NPAS3: variants seen among roughly 807,000 people sequenced by gnomAD.
NPAS3 encodes neuronal PAS domain-containing protein 3.
NPAS3 carries 14 observed loss-of-function variants against 73.1 expected under a neutral mutation model. That is an observed-to-expected ratio of 0.19 (90% CI 0.13 to 0.30). NPAS3 has a LOEUF of 0.30. NPAS3 is among the 10% of genes least tolerant of loss of function. The probability of loss-of-function intolerance (pLI) is 1.00; values close to 1 mark genes in which losing one functional copy is unlikely to be tolerated. For synonymous variants in NPAS3, 620 were observed against 541.5 expected (o/e 1.14, Z -2.01); for missense variants, 1,096 against 1,250.0 (o/e 0.88, Z 1.86).
intron 2 of NPAS3, among the ~76,000 whole-genome samples, chr14:33,189,120 A>G (rs1419096222): frequency 6.6e-6 from 1 of 152,188 alleles, no homozygotes; most frequent in Non-Finnish European, 1.5e-5. Flanking sequence ...TGAAGAATGA[A>G]TCTTTTTATG....
At chr14:32,992,644 G>A (rs2038382379) in intron 1 of NPAS3, among the ~76,000 whole-genome samples, 1 of 151,858 alleles carries the variant, frequency 6.6e-6, no homozygotes, top group Admixed American at 6.6e-5. Context: ...TATTTTCTGA[G>A]GTAAAAAGAC....
chr14:33,093,757 A>G (rs530606821), intron 2 of NPAS3, among the ~76,000 whole-genome samples: 7 of 152,290 alleles, frequency 4.6e-5, no homozygotes, highest in South Asian at 4.1e-4. Flanking sequence ...AAGAAAATGT[A>G]GCACATATAC....
At chr14:33,250,447 C>T (rs2048540849) in intron 3 of NPAS3, among the ~76,000 whole-genome samples, 1 of 152,034 alleles carries the variant, frequency 6.6e-6, no homozygotes, top group Non-Finnish European at 1.5e-5. Context: ...CAATTTTAGC[C>T]TTAATGTGCT....
chr14:33,321,522 C>T (rs1363633445), intron 3 of NPAS3, among the ~76,000 whole-genome samples: 1 of 151,750 alleles, frequency 6.6e-6, no homozygotes, highest in Non-Finnish European at 1.5e-5. Context: ...ACATGATGTC[C>T]GTAGGCATAA....
At chr14:33,708,729 G>A (rs865999824) in intron 6 of NPAS3, among the ~76,000 whole-genome samples, 1 of 152,300 alleles carries the variant, frequency 6.6e-6, no homozygotes, top group South Asian at 2.1e-4. Context: ...AGCAGGACGG[G>A]AAAATTAAAA....
intron 5 of NPAS3, among the ~76,000 whole-genome samples, chr14:33,639,717 T>G (rs7140328): frequency 0.064 from 9,811 of 152,244 alleles, 1,012 homozygotes; most frequent in African/African-American, 0.22. Context: ...CATGTTCATA[T>G]TTATTCTTTA....
intron 3 of NPAS3, among the ~76,000 whole-genome samples, chr14:33,341,360 A>C (rs1398139594): frequency 6.6e-6 from 1 of 152,244 alleles, no homozygotes; most frequent in Non-Finnish European, 1.5e-5. Flanking sequence ...AAATTTACCT[A>C]ACGTTATTTC....
rs536496948 is a variant in NPAS3, at chr14:33,153,488, T to TG, written c.141-61689dup. Among the ~76,000 whole-genome samples the TG allele has an allele frequency of 2.0e-3, 298 of 152,216 alleles. 1 individual carries two copies. Among genetic ancestry groups the TG allele is most frequent in the African/African-American group, 6.8e-3 (284 of 41,540 alleles). ...AGCTTCAGGTGTTCTGGGAGCCCTG[T>TG]GGGGGAAAGAGTGGGTTCTCAGAGT... On this transcript the variant is annotated intron_variant, in intron 2 of 11. Transcript: ENST00000356141.
At chr14:32,943,985 T>C (rs1200446500) in intron 1 of NPAS3, among the ~76,000 whole-genome samples, 7 of 152,202 alleles carry the variant, frequency 4.6e-5, no homozygotes, top group African/African-American at 1.4e-4. Flanking sequence ...CCACTGTGCC[T>C]GGCCTTTATT....
intron 7 of NPAS3, among the ~76,000 whole-genome samples, chr14:33,768,332 G>C (rs985695588): frequency 6.7e-5 from 10 of 148,886 alleles, no homozygotes; most frequent in African/African-American, 2.6e-4. Flanking sequence ...GAATCTTTTA[G>C]TTCAGAAAGC....
intron 1 of NPAS3, among the ~76,000 whole-genome samples, chr14:33,038,431 CA>C (rs1338865875): frequency 6.6e-6 from 1 of 151,570 alleles, no homozygotes; most frequent in African/African-American, 2.4e-5. Context: ...AACAAACAAA[CA>C]AAAAAACAAA....
intron 1 of NPAS3, among the ~76,000 whole-genome samples, chr14:33,050,614 A>G (rs979132835): frequency 6.6e-6 from 1 of 152,182 alleles, no homozygotes; most frequent in Non-Finnish European, 1.5e-5. Flanking sequence ...TATTAATTTA[A>G]TTGCCATTAG....
chr14:33,386,832 C>G (rs1235749364), intron 4 of NPAS3, among the ~76,000 whole-genome samples: 1 of 152,164 alleles, frequency 6.6e-6, no homozygotes, highest in Non-Finnish European at 1.5e-5. Context: ...AGGTGGGCGT[C>G]TTCATGCTGT....
chr14:33,445,128 A>G (rs2049427013), intron 4 of NPAS3, among the ~76,000 whole-genome samples: 1 of 152,114 alleles, frequency 6.6e-6, no homozygotes, highest in Non-Finnish European at 1.5e-5. Context: ...GGTTAATTGT[A>G]TTTATTTTGA....
intron 5 of NPAS3, among the ~76,000 whole-genome samples, chr14:33,560,660 G>T (rs1488886235): frequency 6.6e-6 from 1 of 152,158 alleles, no homozygotes; most frequent in African/African-American, 2.4e-5. Context: ...TGCGTTGCAG[G>T]GAGGGTTCCA....
intron 4 of NPAS3, among the ~76,000 whole-genome samples, chr14:33,473,601 G>T (rs2050886644): frequency 6.6e-6 from 1 of 152,158 alleles, no homozygotes; most frequent in South Asian, 2.1e-4. Context: ...TTAATAATCT[G>T]CTGAGAAAAC....
intron 3 of NPAS3, among the ~76,000 whole-genome samples, chr14:33,286,553 C>G (rs1594601598): frequency 6.6e-6 from 1 of 152,092 alleles, no homozygotes; most frequent in South Asian, 2.1e-4. Context: ...GTAGTTATCT[C>G]CTTGTGGGGT....
intron 4 of NPAS3, among the ~76,000 whole-genome samples, chr14:33,549,862 T>C (rs549525495): frequency 6.6e-6 from 1 of 152,328 alleles, no homozygotes; most frequent in African/African-American, 2.4e-5. Flanking sequence ...CAAATTCAAG[T>C]AATGAATGGC....
chr14:33,519,456 C>G (rs1020541714), intron 4 of NPAS3, among the ~76,000 whole-genome samples: 1 of 152,070 alleles, frequency 6.6e-6, no homozygotes, highest in African/African-American at 2.4e-5. Flanking sequence ...CGCCAGCTTC[C>G]CCTGATGTCA....
Sources: allele counts gnomAD v4.1 joint callset (sites outside exome capture counted in the v4.1 genomes callset), GRCh38; gene constraint gnomAD v4.1.1; transcripts MANE v1.5; gene names NCBI Gene and HGNC (gene_info 2026-07-23, HGNC 2026-07-21).